The following UBE2K variants were observed in gnomAD, a reference collection of about 807,000 sequenced individuals.
The protein encoded by UBE2K is ubiquitin conjugating enzyme E2 K, also known as ubiquitin-conjugating enzyme E2 K.
In UBE2K, 6 loss-of-function variants were observed where a neutral mutation model predicts 30.0. The observed-to-expected ratio is 0.20, with a 90% CI of 0.11 to 0.39. The LOEUF (loss-of-function observed/expected upper bound fraction) is 0.39, where lower values mean the gene tolerates loss of function less well. Ranked by LOEUF, UBE2K falls within the 10% of genes least tolerant of loss-of-function variation. UBE2K has a pLI of 1.00. For synonymous variants in UBE2K, 86 were observed against 83.7 expected (o/e 1.03, Z -0.15); for missense variants, 61 against 241.6 (o/e 0.25, Z 4.96).
intron 4 of UBE2K, among the ~76,000 whole-genome samples, 159 bp from the exon 5 acceptor site, chr4:39,774,675 C>T (rs1470969453): frequency 6.6e-6 from 1 of 151,910 alleles, no homozygotes; most frequent in African/African-American, 2.4e-5. Context: ...ATATGATAGG[C>T]AGATACATAA....
At chr4:39,735,767 AAGT>A (rs1720344180) in intron 1 of UBE2K, among the ~76,000 whole-genome samples, 2 of 152,162 alleles carry the variant, frequency 1.3e-5, no homozygotes, top group Non-Finnish European at 2.9e-5. Flanking sequence ...AGGGCATAAG[AAGT>A]AGTTTCTTAT....
chr4:39,732,333 C>T (rs907118289), intron 1 of UBE2K, among the ~76,000 whole-genome samples: 7 of 152,152 alleles, frequency 4.6e-5, no homozygotes, highest in Non-Finnish European at 8.8e-5. Context: ...ATGATAAAAT[C>T]TTCCAGTGTT....
At chr4:39,760,215 T>C (rs371870841) in intron 4 of UBE2K, among the ~76,000 whole-genome samples, 1 of 78,542 alleles carries the variant, frequency 1.3e-5, no homozygotes, top group Non-Finnish European at 2.7e-5. Flanking sequence ...AAAAAACAAA[T>C]AATGTGGTTT....
intron 3 of UBE2K, among the ~76,000 whole-genome samples, chr4:39,754,872 C>G (rs1721448394): frequency 6.6e-6 from 1 of 152,140 alleles, no homozygotes; most frequent in South Asian, 2.1e-4. Flanking sequence ...ATGGGCTCAG[C>G]TGGTCATTGT....
At chr4:39,709,632 A>G (rs766068487) in intron 1 of UBE2K, among the ~76,000 whole-genome samples, 3 of 152,082 alleles carry the variant, frequency 2.0e-5, no homozygotes, top group Non-Finnish European at 4.4e-5. Flanking sequence ...TGTGGTTTCA[A>G]GCATCCACTA....
chr4:39,768,552 T>C (rs1712509984), intron 4 of UBE2K, among the ~76,000 whole-genome samples: 1 of 151,988 alleles, frequency 6.6e-6, no homozygotes, highest in African/African-American at 2.4e-5. Flanking sequence ...TAAAAGAATA[T>C]TGTGCATTTA....
chr4:39,701,052 A>G (rs916850415), intron 1 of UBE2K, among the ~76,000 whole-genome samples: 4 of 147,136 alleles, frequency 2.7e-5, no homozygotes, highest in African/African-American at 1.1e-4. Context: ...TATTTTTTGA[A>G]TTTTGTGTCA....
intron 1 of UBE2K, among the ~76,000 whole-genome samples, chr4:39,737,189 ATTG>A (rs1720425586): frequency 6.6e-6 from 1 of 152,136 alleles, no homozygotes; most frequent in African/African-American, 2.4e-5. Context: ...AAGCCATTGT[ATTG>A]TTGTTCATAG....
At chr4:39,722,149 A>G (rs1011047102) in intron 1 of UBE2K, among the ~76,000 whole-genome samples, 1 of 152,182 alleles carries the variant, frequency 6.6e-6, no homozygotes, top group Non-Finnish European at 1.5e-5. Context: ...TTATCTACGT[A>G]ACGTTCACAG....
chr4:39,704,821 C>T (rs894651664), intron 1 of UBE2K, among the ~76,000 whole-genome samples: 5 of 150,650 alleles, frequency 3.3e-5, no homozygotes, highest in Non-Finnish European at 7.4e-5. Context: ...GGATTACAGA[C>T]GTGAGCCACC....
At chr4:39,737,598 A>C in intron 2 of UBE2K, 85 bp downstream of exon 2, 1 of 858,854 alleles carries the variant, frequency 1.2e-6, no homozygotes, top group Non-Finnish European at 1.8e-6. Context: ...AACATCTATA[A>C]ATTATATGGA....
intron 1 of UBE2K, among the ~76,000 whole-genome samples, chr4:39,704,529 T>C (rs1718219593): frequency 6.6e-6 from 1 of 151,944 alleles, no homozygotes; most frequent in South Asian, 2.1e-4. Context: ...CTGGGCTCCC[T>C]AGCTTCTTCC....
chr4:39,759,365 C>T (rs554075914), intron 4 of UBE2K, among the ~76,000 whole-genome samples: 109 of 152,298 alleles, frequency 7.2e-4, no homozygotes, highest in Admixed American at 1.5e-3. Context: ...CAACCTCCGC[C>T]TCCCGGGCTC....
At chr4:39,749,451 CTCAGAAGT>C in intron 3 of UBE2K, among the ~76,000 whole-genome samples, 1 of 151,972 alleles carries the variant, frequency 6.6e-6, no homozygotes, top group African/African-American at 2.4e-5. Context: ...ATGGCTTGAG[CTCAGAAGT>C]TCATGACCAA....
intron 3 of UBE2K, among the ~76,000 whole-genome samples, chr4:39,753,048 T>A (rs2109371034): frequency 6.6e-6 from 1 of 152,176 alleles, no homozygotes; most frequent in East Asian, 1.9e-4. Context: ...GAAAAAGAAA[T>A]ACTCAACCTG....
intron 1 of UBE2K, among the ~76,000 whole-genome samples, chr4:39,723,210 ATTTTTT>A (rs150197220): frequency 7.1e-6 from 1 of 140,062 alleles, no homozygotes; most frequent in Non-Finnish European, 1.6e-5. Context: ...CACCTAGATA[ATTTTTT>A]TTTTTTTTAA....
intron 4 of UBE2K, among the ~76,000 whole-genome samples, chr4:39,769,625 G>T (rs1297116211): frequency 7.4e-6 from 1 of 135,714 alleles, no homozygotes; most frequent in Admixed American, 7.0e-5. Flanking sequence ...CTCACCCCAG[G>T]CCTATTATAA....
In UBE2K at chr4:39,766,580, GT is replaced by G. The variant is rs1560376500; in HGVS notation, c.300-8247del. Among the ~76,000 whole-genome samples the G allele has an allele frequency of 3.3e-5, 5 of 151,808 alleles. No individual in the cohort carries two copies. In the South Asian group the frequency reaches 1.0e-3, roughly 32 times the overall value. ...AAATATTTTCTCCTGCAACACAGAA[GT>G]TTTTTTGTTTTAAGTAGTGGGGTCT... On this transcript the variant is annotated intron_variant, in intron 4 of 6. Coordinates refer to ENST00000261427, the MANE Select transcript of UBE2K (RefSeq NM_005339.5).
chr4:39,701,102 T>C (rs1157116766), intron 1 of UBE2K, among the ~76,000 whole-genome samples: 2 of 151,152 alleles, frequency 1.3e-5, no homozygotes, highest in African/African-American at 4.9e-5. Context: ...TTGGCCTCTT[T>C]CCCTTAAGAC....
Sources: gnomAD v4.1 joint callset for allele counts (sites outside exome capture counted in the v4.1 genomes callset) on GRCh38, gnomAD v4.1.1 for gene constraint, MANE v1.5 for transcripts, NCBI Gene and HGNC (gene_info 2026-07-23, HGNC 2026-07-21) for gene names.